GALM: variants seen among roughly 807,000 people sequenced by gnomAD.
GALM encodes the protein aldose 1-epimerase.
A neutral mutation model predicts 37.4 loss-of-function variants in GALM; 43 were observed. That is an observed-to-expected ratio of 1.15 (90% confidence interval 0.90 to 1.48). The LOEUF is 1.48. Ranked by LOEUF, GALM falls within the 40% of genes most tolerant of loss-of-function variation. GALM has a pLI of 0.00. For missense variants in GALM, 456 were observed against 419.1 expected, an observed-to-expected ratio of 1.09 and a Z score of -0.77; for synonymous variants, 199 against 170.6, an observed-to-expected ratio of 1.17 and a Z score of -1.30.
chr2:38,681,701 G>A (rs1271261207), intron 3 of GALM, among the ~76,000 whole-genome samples: 1 of 152,248 alleles, frequency 6.6e-6, no homozygotes, highest in East Asian at 1.9e-4. Context: ...AGAAGTACCT[G>A]TTTCCCGTTT....
At chr2:38,731,113 G>C (rs1558599600) in intron 5 of GALM, among the ~76,000 whole-genome samples, 1 of 152,060 alleles carries the variant, frequency 6.6e-6, no homozygotes, top group Non-Finnish European at 1.5e-5. Flanking sequence ...TGTAATCCCA[G>C]CTACTCTAGA....
chr2:38,731,173 G>A (rs1666600887), intron 5 of GALM, among the ~76,000 whole-genome samples: 1 of 152,068 alleles, frequency 6.6e-6, no homozygotes, highest in Non-Finnish European at 1.5e-5. Flanking sequence ...GTTGCAGTGA[G>A]CCAAGATCGC....
At chr2:38,703,287 A>C (rs1352581552) in intron 4 of GALM, among the ~76,000 whole-genome samples, 1 of 149,466 alleles carries the variant, frequency 6.7e-6, no homozygotes, top group Non-Finnish European at 1.5e-5. Flanking sequence ...TTGTATTTTT[A>C]GTAGAGACAG....
chr2:38,701,767 G>A (rs1436160945), intron 4 of GALM, among the ~76,000 whole-genome samples: 6 of 152,162 alleles, frequency 3.9e-5, no homozygotes, highest in Non-Finnish European at 8.8e-5. Flanking sequence ...AAAGTCCAAA[G>A]TAGTCTCCTC....
intron 4 of GALM, among the ~76,000 whole-genome samples, chr2:38,692,166 C>A (rs1337363256): frequency 1.3e-5 from 2 of 152,170 alleles, no homozygotes; most frequent in East Asian, 3.8e-4. Flanking sequence ...TTCTCTCCTA[C>A]CTATCCATAC....
intron 6 of GALM, 135 bp downstream of exon 6, chr2:38,732,044 G>C: frequency 1.6e-5 from 13 of 798,074 alleles, no homozygotes; most frequent in Non-Finnish European, 2.4e-5. Context: ...TTTTGAGACA[G>C]AGTCTCACTC....
intron 2 of GALM, among the ~76,000 whole-genome samples, chr2:38,679,623 C>T (rs1037863836): frequency 4.6e-5 from 7 of 152,164 alleles, no homozygotes; most frequent in Non-Finnish European, 5.9e-5. Flanking sequence ...CAACAGGCCC[C>T]TTCTTTAGTG....
At chr2:38,728,912 T>A (rs916326744) in intron 4 of GALM, among the ~76,000 whole-genome samples, 2 of 152,184 alleles carry the variant, frequency 1.3e-5, no homozygotes, top group African/African-American at 4.8e-5. Context: ...TGCCATCATC[T>A]TATCCTGGGG....
chr2:38,684,665 G>C (rs1485974003), intron 3 of GALM, among the ~76,000 whole-genome samples: 2 of 152,140 alleles, frequency 1.3e-5, no homozygotes, highest in African/African-American at 2.4e-5. Context: ...AAATTAGCTG[G>C]GCGTTGTGGT....
In GALM at chr2:38,686,261, TTTCTTTC is replaced by T. The variant is rs1402183584; in HGVS notation, c.553-3549_553-3543del. 6.9e-5 allele frequency among the ~76,000 whole-genome samples: 8 copies of T among 115,620 alleles called. 1 individual carries two copies. The highest frequency in any genetic ancestry group is 3.3e-4 in the African/African-American group (8 of 24,264). 75.9% of individuals were successfully genotyped at this position (115,620 alleles called of 152,430 possible). ...CTTTCTTTCTTTCTTTCTTTCTTTC[TTTCTTTC>T]TTTCTTTCTTATTTTGAGATGGAGT... On this transcript the variant is annotated intron_variant, in intron 3 of 6. Coordinates refer to ENST00000272252, the MANE Select transcript of GALM (RefSeq NM_138801.3).
intron 6 of GALM, 128 bp from the exon 7 acceptor site, chr2:38,733,360 A>T: frequency 3.8e-6 from 3 of 798,050 alleles, no homozygotes; most frequent in Non-Finnish European, 6.7e-6. Flanking sequence ...TGAACCAATC[A>T]TAAACAGTTC....
intron 4 of GALM, among the ~76,000 whole-genome samples, chr2:38,704,460 A>G (rs1382554115): frequency 2.6e-5 from 4 of 152,098 alleles, no homozygotes; most frequent in African/African-American, 4.8e-5. Context: ...GATTGGGTCC[A>G]GGAGTTCAAG....
chr2:38,716,597 A>G (rs1422966727), intron 4 of GALM, among the ~76,000 whole-genome samples: 1 of 152,214 alleles, frequency 6.6e-6, no homozygotes, highest in Non-Finnish European at 1.5e-5. Context: ...CATAACTTTT[A>G]TAATATTCTC....
rs995408479 is a variant in GALM, at chr2:38,734,508, C to T, written c.*943C>T. ...CTGAGAAAGCACAGCCCGGCCAACGCTTGGGAAGAAAGACAGGCAAGCACT... is the reference window on the plus strand; with the variant it reads ...CTGAGAAAGCACAGCCCGGCCAACGTTTGGGAAGAAAGACAGGCAAGCACT... On this transcript the variant is annotated 3_prime_UTR_variant, in exon 7 of 7. Transcript: ENST00000272252. 1 of 151,600 alleles carries T rather than the reference C, an allele frequency of 6.6e-6. No homozygotes were observed. The highest frequency in any genetic ancestry group is 2.4e-5 in the African/African-American group (1 of 41,140). The allele number at this position is 151,600 out of a possible 1,614,324, so 9.4% of individuals were successfully genotyped here.
At chr2:38,713,115 G>GCTATTAAAGGTTCGTTTGTTCAA (rs1666204324) in intron 4 of GALM, among the ~76,000 whole-genome samples, 1 of 152,176 alleles carries the variant, frequency 6.6e-6, no homozygotes, top group East Asian at 1.9e-4. Context: ...AGGAGAGCAG[G>GCTATTAAAGGTTCGTTTGTTCAA]AGGCCCTGGG....
At chr2:38,674,217 G>A (rs567971566) in intron 1 of GALM, among the ~76,000 whole-genome samples, 1 of 142,746 alleles carries the variant, frequency 7.0e-6, no homozygotes, top group Admixed American at 7.3e-5. Context: ...TTTTGAGACA[G>A]TCTCGCTCTG....
At chr2:38,719,532 T>C (rs1666334396) in intron 4 of GALM, among the ~76,000 whole-genome samples, 1 of 150,902 alleles carries the variant, frequency 6.6e-6, no homozygotes, top group Non-Finnish European at 1.5e-5. Context: ...CCCAGCACTT[T>C]GGGAGGCTGA....
chr2:38,733,411 C>T (rs1357317861), intron 6 of GALM, 77 bp from the exon 7 acceptor site: 15 of 1,199,824 alleles, frequency 1.3e-5, no homozygotes, highest in Admixed American at 1.7e-5. Context: ...TCTAGAAGCC[C>T]GTCCAGAAGC....
At chr2:38,720,696 T>A (rs970286905) in intron 4 of GALM, among the ~76,000 whole-genome samples, 1 of 152,176 alleles carries the variant, frequency 6.6e-6, no homozygotes, top group Non-Finnish European at 1.5e-5. Context: ...AGAACAGGGC[T>A]GGAATCATCA....
Sources: allele counts gnomAD v4.1 joint callset (sites outside exome capture counted in the v4.1 genomes callset), GRCh38; gene constraint gnomAD v4.1.1; transcripts MANE v1.5; gene names NCBI Gene and HGNC (gene_info 2026-07-23, HGNC 2026-07-21).